PLEKHA7: variants seen among roughly 807,000 people sequenced by gnomAD.
The protein encoded by PLEKHA7 is pleckstrin homology domain-containing family A member 7.
In PLEKHA7, 104 loss-of-function variants were observed where a neutral mutation model predicts 170.0. The ratio of observed to expected loss-of-function variants is 0.61; its 90% CI spans 0.52 to 0.72. The LOEUF (loss-of-function observed/expected upper bound fraction) is 0.72, where lower values mean the gene tolerates loss of function less well. Ranked by LOEUF, PLEKHA7 falls within the 30% of genes least tolerant of loss-of-function variation. The probability of loss-of-function intolerance (pLI) is 0.00; values close to 1 mark genes in which losing one functional copy is unlikely to be tolerated. For missense variants in PLEKHA7, 1,615 were observed against 1,671.7 expected (o/e 0.97, Z 0.59); for synonymous variants, 648 against 660.8 (o/e 0.98, Z 0.30).
intron 3 of PLEKHA7, among the ~76,000 whole-genome samples, chr11:16,955,871 G>A (rs903604111): frequency 6.6e-6 from 1 of 152,152 alleles, no homozygotes; most frequent in Non-Finnish European, 1.5e-5. Context: ...CTAGAAAGAG[G>A]GGGATTCTAG....
intron 9 of PLEKHA7, among the ~76,000 whole-genome samples, chr11:16,829,417 G>A (rs1270730849): frequency 6.6e-6 from 1 of 152,178 alleles, no homozygotes; most frequent in African/African-American, 2.4e-5. Flanking sequence ...AGATAGTAAT[G>A]AGTGAGGGCC....
In PLEKHA7 at chr11:16,797,847, T is replaced by G. The variant is rs528327166; in HGVS notation, c.2410-2829A>C. 4.6e-5 allele frequency among the ~76,000 whole-genome samples: 7 copies of G among 152,268 alleles called. No homozygotes were observed. The East Asian group carries it at 1.2e-3, about 25-fold the overall frequency. ...AAAGCTCCCCTGTCAGCCACTTTCT[T>G]GCCCCCCTGATGCCTTTCTGTCACC... On this transcript the variant is annotated intron_variant, in intron 17 of 26. Coordinates refer to ENST00000531066, the MANE Select transcript of PLEKHA7 (RefSeq NM_001329630.2).
intron 3 of PLEKHA7, among the ~76,000 whole-genome samples, chr11:16,926,162 A>G (rs1859525828): frequency 6.6e-6 from 1 of 152,244 alleles, no homozygotes; most frequent in Non-Finnish European, 1.5e-5. Flanking sequence ...GGATTCTGAC[A>G]AGCCAGGAAT....
intron 3 of PLEKHA7, among the ~76,000 whole-genome samples, chr11:16,963,300 A>AACCCTCT (rs1862179172): frequency 6.6e-6 from 1 of 152,124 alleles, no homozygotes; most frequent in African/African-American, 2.4e-5. Context: ...AGGTAGCTGC[A>AACCCTCT]GGCTCCTTGT....
chr11:16,928,086 C>T (rs1724117144), intron 3 of PLEKHA7, among the ~76,000 whole-genome samples: 1 of 152,146 alleles, frequency 6.6e-6, no homozygotes, highest in African/African-American at 2.4e-5. Flanking sequence ...AAATGTGATG[C>T]CACTATGGCA....
At chr11:16,984,902 C>G (rs959657153) in intron 3 of PLEKHA7, among the ~76,000 whole-genome samples, 1 of 152,168 alleles carries the variant, frequency 6.6e-6, no homozygotes, top group Non-Finnish European at 1.5e-5. Flanking sequence ...GAAACTGAAG[C>G]TCAGAAAAGT....
In PLEKHA7 at chr11:16,855,724, T is replaced by G. The variant is rs980586762; in HGVS notation, c.417+79A>C. The G allele has an allele frequency of 4.7e-6, 5 of 1,064,390 alleles. No homozygotes were observed. The African/African-American group carries it at 6.3e-5, about 14-fold the overall frequency. 65.9% of individuals were successfully genotyped at this position (1,064,390 alleles called of 1,614,324 possible). On this transcript the variant is annotated intron_variant, in intron 5 of 26. Transcript: ENST00000531066. The stretch of plus-strand genomic sequence containing the variant: ...CTCTCTCACAAAACTATAGTGAAGA[T>G]CAAATGGACTTCTGGTTACAAAGGG...
chr11:16,840,736 T>C (rs1161959186), intron 9 of PLEKHA7, among the ~76,000 whole-genome samples: 2 of 152,124 alleles, frequency 1.3e-5, no homozygotes, highest in African/African-American at 4.8e-5. Flanking sequence ...TGGAGGTCAC[T>C]ATTTATAGCT....
intron 17 of PLEKHA7, chr11:16,795,257 A>T: frequency 3.9e-6 from 2 of 510,030 alleles, no homozygotes; most frequent in Non-Finnish European, 7.1e-6. Context: ...TTGCCTACCT[A>T]ATTTAAAAAC....
At chr11:16,874,507 AAAAC>A (rs1228436869) in intron 3 of PLEKHA7, among the ~76,000 whole-genome samples, 3 of 152,174 alleles carry the variant, frequency 2.0e-5, no homozygotes, top group Admixed American at 6.5e-5. Context: ...CTCTGTCCCA[AAAAC>A]AAACAAACAA....
chr11:16,995,637 A>G (rs931719188), intron 3 of PLEKHA7, among the ~76,000 whole-genome samples: 2 of 152,160 alleles, frequency 1.3e-5, no homozygotes, highest in Admixed American at 6.5e-5. Context: ...TATCCCCCAG[A>G]GTATAACAAA....
At chr11:16,807,669 A>C (rs1849084821) in intron 13 of PLEKHA7, among the ~76,000 whole-genome samples, 1 of 152,156 alleles carries the variant, frequency 6.6e-6, no homozygotes, top group African/African-American at 2.4e-5. Context: ...CTCAACCTTA[A>C]GTTCCACCAG....
intron 3 of PLEKHA7, among the ~76,000 whole-genome samples, chr11:16,917,434 A>G (rs779494074): frequency 1.3e-5 from 2 of 152,216 alleles, no homozygotes; most frequent in Non-Finnish European, 2.9e-5. Flanking sequence ...GATATCCAAA[A>G]TCAGTCTTAT....
chr11:16,986,775 T>A (rs1863750564), intron 3 of PLEKHA7, among the ~76,000 whole-genome samples: 1 of 152,136 alleles, frequency 6.6e-6, no homozygotes, highest in Non-Finnish European at 1.5e-5. Context: ...GCCCCACCTC[T>A]ACCAACATCC....
intron 3 of PLEKHA7, among the ~76,000 whole-genome samples, chr11:17,005,528 T>C (rs893832946): frequency 1.8e-4 from 28 of 151,984 alleles, no homozygotes; most frequent in Non-Finnish European, 5.9e-5. Context: ...CAAAACTCTG[T>C]CTCAAAACAA....
intron 3 of PLEKHA7, among the ~76,000 whole-genome samples, chr11:16,953,680 A>C (rs1450118191): frequency 6.6e-6 from 1 of 152,202 alleles, no homozygotes. Flanking sequence ...TGAATAAATA[A>C]TTCTGTATTT....
Position 16,786,322 on chromosome 11 carries a change from G to A in PLEKHA7, c.3423C>T (p.Asp1141=), listed in dbSNP as rs1159674807. 2 of 1,536,018 alleles carry A rather than the reference G, an allele frequency of 1.3e-6. No homozygotes were observed. The highest frequency in any genetic ancestry group is 1.2e-5 in the South Asian group (1 of 84,068). ...CTTTCAACCAGCCATTCTCCTCCTTGTCCTTTTTTTCCCCTTGCACGACCC... is the reference window on the plus strand; with the variant it reads ...CTTTCAACCAGCCATTCTCCTCCTTATCCTTTTTTTCCCCTTGCACGACCC... ...LERVVQGEKK[D]KEENGWLKVQ... Residue 1141 remains aspartate (D), a synonymous_variant, in exon 24 of 27, where the codon GAC becomes GAT. Transcript: ENST00000531066.
chr11:16,874,580 T>C (rs1240894103), intron 3 of PLEKHA7, among the ~76,000 whole-genome samples: 2 of 152,194 alleles, frequency 1.3e-5, no homozygotes, highest in African/African-American at 4.8e-5. Context: ...ATATGTTCTC[T>C]GTATGATAAC....
intron 3 of PLEKHA7, among the ~76,000 whole-genome samples, chr11:16,931,766 CCA>C (rs796084081): frequency 0.05 from 6,873 of 136,700 alleles, 556 homozygotes; most frequent in African/African-American, 0.17. Flanking sequence ...CCCCCCCCCC[CCA>C]AAAAAAAAAA....
Sources: gnomAD v4.1 joint callset for allele counts (sites outside exome capture counted in the v4.1 genomes callset) on GRCh38, gnomAD v4.1.1 for gene constraint, MANE v1.5 for transcripts, NCBI Gene and HGNC (gene_info 2026-07-23, HGNC 2026-07-21) for gene names.